RBM41: variants seen among roughly 807,000 people sequenced by gnomAD.
RBM41 encodes RNA-binding protein 41.
A neutral mutation model predicts 30.8 loss-of-function variants in RBM41; 14 were observed. The ratio of observed to expected loss-of-function variants is 0.45; its 90% CI spans 0.30 to 0.71. The LOEUF is 0.71. RBM41 is among the 30% of genes least tolerant of loss of function. RBM41 has a pLI of 0.08. For missense variants in RBM41, 276 were observed against 326.3 expected (o/e 0.85, Z 1.19); for synonymous variants, 120 against 110.1 (o/e 1.09, Z -0.56).
downstream of RBM41, among the ~76,000 whole-genome samples, chrX:107,058,178 A>T (rs1935601159): frequency 1.8e-5 from 2 of 108,703 alleles, no homozygotes; most frequent in South Asian, 4.1e-4. Context: ...CTGTAATCCC[A>T]GCTACTTGGG....
intron 6 of RBM41, among the ~76,000 whole-genome samples, chrX:107,072,920 G>C (rs1936113731): frequency 9.0e-6 from 1 of 110,760 alleles, no homozygotes; most frequent in Admixed American, 9.7e-5. Flanking sequence ...AAGTGGTGCT[G>C]AGAAAACTGG....
At chrX:107,109,819 A>G (rs1417428961) in intron 5 of RBM41, among the ~76,000 whole-genome samples, 8 of 111,377 alleles carry the variant, frequency 7.2e-5, no homozygotes, top group Non-Finnish European at 1.5e-4. Context: ...ACCTCAAAAT[A>G]TGTTCTAATA....
At chrX:107,056,811 C>CT in the RBM41 span, among the ~76,000 whole-genome samples, 6,493 of 97,070 alleles carry the variant, frequency 0.067, 466 homozygotes, top group African/African-American at 0.19. Flanking sequence ...CTCAAATAAT[C>CT]TTTTTTTTTT....
intron 7 of RBM41, 138 bp downstream of exon 7, chrX:107,069,117 A>C: frequency 1.7e-6 from 1 of 575,565 alleles, no homozygotes; most frequent in East Asian, 3.6e-5. Context: ...AGAAACACTG[A>C]AAACATATTT....
At chrX:107,061,722 G>A (rs1188609160), downstream of RBM41, among the ~76,000 whole-genome samples, 4 of 110,660 alleles carry the variant, frequency 3.6e-5, no homozygotes, top group South Asian at 3.8e-4. Flanking sequence ...GAGGTTACTC[G>A]CATGAGCCAC....
At chrX:107,108,794 C>A (rs904447395) in intron 5 of RBM41, among the ~76,000 whole-genome samples, 1 of 111,117 alleles carries the variant, frequency 9.0e-6, no homozygotes, top group African/African-American at 3.3e-5. Context: ...CTGCAAAAAC[C>A]AGCAGCCTAT....
intron 5 of RBM41, among the ~76,000 whole-genome samples, chrX:107,099,708 C>CAA (rs1206601215): frequency 9.1e-6 from 1 of 109,986 alleles, no homozygotes; most frequent in Non-Finnish European, 1.9e-5. Flanking sequence ...CACACACACA[C>CAA]ACACACACAC....
rs1284367809 is a variant in RBM41, at chrX:107,066,577, G to A, written c.*950C>T. 3.2e-6 allele frequency: 1 copy of A among 313,811 alleles called. No individual in the cohort carries two copies. The highest frequency in any genetic ancestry group is 4.2e-6 in the Non-Finnish European group (1 of 239,283). The allele number at this position is 313,811 out of a possible 1,213,427, so 25.9% of individuals were successfully genotyped here. A position where few individuals can be genotyped will look rare whatever the true frequency, so the allele number is the denominator to read the frequency against. ...GCATTATTATCCTCACTTTATAGAT[G>A]AAAAATGTGAGGCTCAGATTAAGTG... On this transcript the variant is annotated 3_prime_UTR_variant, in exon 8 of 8. Coordinates refer to ENST00000685964, the MANE Select transcript of RBM41 (RefSeq NM_001324242.2).
intron 3 of RBM41, 86 bp from the exon 4 acceptor site, chrX:107,115,642 T>C: frequency 1.1e-6 from 1 of 948,440 alleles, no homozygotes; most frequent in Non-Finnish European, 1.5e-6. Flanking sequence ...AAAGATGACC[T>C]AGGCCCAGAA....
chrX:107,075,810 A>C (rs1455312319), intron 6 of RBM41, among the ~76,000 whole-genome samples: 2 of 112,140 alleles, frequency 1.8e-5, no homozygotes, highest in Non-Finnish European at 3.8e-5. Context: ...GCTGCTATGA[A>C]GTACAGTGTG....
intron 5 of RBM41, among the ~76,000 whole-genome samples, chrX:107,104,092 C>T (rs902360058): frequency 2.1e-4 from 23 of 110,439 alleles, no homozygotes; most frequent in East Asian, 8.5e-4. Flanking sequence ...CCCCTACCCC[C>T]CCGCCAGAGA....
At chrX:107,103,403 C>T (rs1923630649) in intron 5 of RBM41, among the ~76,000 whole-genome samples, 1 of 94,770 alleles carries the variant, frequency 1.1e-5, no homozygotes, top group Non-Finnish European at 2.1e-5. Flanking sequence ...AGGAATTATG[C>T]ATCTATGAAC....
Position 107,064,173 on chromosome X carries a change from G to A in RBM41, c.*3354C>T, listed in dbSNP as rs750235627. On this transcript the variant is annotated 3_prime_UTR_variant, in exon 8 of 8. Transcript: ENST00000685964. ...TCACCATGTTACCCAGAATGGTCTCGATCTCCTGACCCCATGATCTCCACC... is the reference window on the plus strand; with the variant it reads ...TCACCATGTTACCCAGAATGGTCTCAATCTCCTGACCCCATGATCTCCACC... Among the ~76,000 whole-genome samples the A allele has an allele frequency of 2.7e-5, 3 of 109,440 alleles. No homozygotes were observed. The highest frequency in any genetic ancestry group is 2.0e-4 in the Admixed American group (2 of 10,233).
chrX:107,101,621 A>C (rs2147685857), intron 5 of RBM41, among the ~76,000 whole-genome samples: 1 of 111,935 alleles, frequency 8.9e-6, no homozygotes, highest in South Asian at 3.8e-4. Flanking sequence ...GGCATGGAAC[A>C]AATTCTCCCT....
At chrX:107,115,774 T>C (rs1924834229) in intron 3 of RBM41, 88 bp downstream of exon 3, 1 of 1,054,321 alleles carries the variant, frequency 9.5e-7, no homozygotes, top group African/African-American at 1.9e-5. Flanking sequence ...GAACTAGAAA[T>C]GAAAAGGCTC....
chrX:107,058,293 C>CAAA (rs201428990), downstream of RBM41, among the ~76,000 whole-genome samples: 12 of 45,631 alleles, frequency 2.6e-4, no homozygotes, highest in Non-Finnish European at 4.7e-4. Flanking sequence ...AACTCCGTCT[C>CAAA]AAAAAAAAAA....
rs35841168 is a variant in RBM41 at position 107,077,573 on chromosome X, AACACACACACAC to A, written c.1000-8183_1000-8172del. 3.2e-5 allele frequency among the ~76,000 whole-genome samples: 3 copies of A among 92,696 alleles called. No individual in the cohort carries two copies. The East Asian group carries it at 1.1e-3, about 33-fold the overall frequency. 80.5% of individuals were successfully genotyped at this position (92,696 alleles called of 115,157 possible). ...GTATGAATGTATCCACAACATACATAACACACACACACACACACACACACACACACACACACA... is the reference window on the plus strand; with the variant it reads ...GTATGAATGTATCCACAACATACATAACACACACACACACACACACACACA... On this transcript the variant is annotated intron_variant, in intron 6 of 7. Transcript: ENST00000685964.
At chrX:107,053,241 G>A in the RBM41 span, among the ~76,000 whole-genome samples, 1 of 112,965 alleles carries the variant, frequency 8.9e-6, no homozygotes, top group African/African-American at 3.2e-5. Context: ...CAGTGTAGAT[G>A]GTCATAGGGG....
the RBM41 span, among the ~76,000 whole-genome samples, chrX:107,054,651 G>A: frequency 2.7e-5 from 3 of 112,079 alleles, no homozygotes; most frequent in South Asian, 1.1e-3. Context: ...ACTTGCTTTA[G>A]GGTTTTGGGA....
Sources: gnomAD v4.1 joint callset for allele counts (sites outside exome capture counted in the v4.1 genomes callset) on GRCh38, gnomAD v4.1.1 for gene constraint, MANE v1.5 for transcripts, NCBI Gene and HGNC (gene_info 2026-07-23, HGNC 2026-07-21) for gene names.